SLC25A40: variants seen among roughly 807,000 people sequenced by gnomAD.
SLC25A40 encodes the protein mitochondrial glutathione transporter SLC25A40.
A neutral mutation model predicts 46.5 loss-of-function variants in SLC25A40; 41 were observed. That is an observed-to-expected ratio of 0.88 (90% CI 0.69 to 1.14). The LOEUF (loss-of-function observed/expected upper bound fraction) is 1.14, where lower values mean the gene tolerates loss of function less well. Ranked by LOEUF, SLC25A40 falls within the 50% of genes most tolerant of loss-of-function variation. The probability of loss-of-function intolerance (pLI) is 0.00; values close to 1 mark genes in which losing one functional copy is unlikely to be tolerated. For missense variants in SLC25A40, 386 were observed against 393.6 expected (o/e 0.98, Z 0.16); for synonymous variants, 126 against 127.5 (o/e 0.99, Z 0.08).
chr7:87,868,967 A>C (rs1222341622), intron 1 of SLC25A40, among the ~76,000 whole-genome samples: 1 of 152,216 alleles, frequency 6.6e-6, no homozygotes, highest in Non-Finnish European at 1.5e-5. Context: ...CAGTATTAGC[A>C]TACAAAAATA....
intron 1 of SLC25A40, among the ~76,000 whole-genome samples, chr7:87,861,524 T>G (rs1298233955): frequency 6.6e-6 from 1 of 152,220 alleles, no homozygotes; most frequent in Non-Finnish European, 1.5e-5. Context: ...GGTAAACCTA[T>G]GTAAACATAT....
At chr7:87,836,479 T>C in intron 11 of SLC25A40, 118 bp from the exon 12 acceptor site, 1 of 665,732 alleles carries the variant, frequency 1.5e-6, no homozygotes, top group Non-Finnish European at 2.3e-6. Context: ...TATGTTCAAA[T>C]CCATAAATTG....
intron 1 of SLC25A40, among the ~76,000 whole-genome samples, chr7:87,869,536 C>CA (rs57979424): frequency 0.1 from 13,821 of 135,842 alleles, 719 homozygotes; most frequent in African/African-American, 0.16. Flanking sequence ...GACCCTGTTC[C>CA]AAAAAAAAAA....
At chr7:87,858,900 T>G (rs559064997) in intron 2 of SLC25A40, 149 bp from the exon 3 acceptor site, 1 of 603,964 alleles carries the variant, frequency 1.7e-6, no homozygotes, top group East Asian at 2.8e-5. Context: ...TGAAAGCAGG[T>G]GACCACTAAG....
At chr7:87,862,716 G>C (rs563336576) in intron 1 of SLC25A40, among the ~76,000 whole-genome samples, 4 of 152,050 alleles carry the variant, frequency 2.6e-5, no homozygotes, top group African/African-American at 9.7e-5. Flanking sequence ...CCCAAGACTG[G>C]GCAATTAACA....
intron 5 of SLC25A40, among the ~76,000 whole-genome samples, chr7:87,851,927 A>G (rs964992618): frequency 8.5e-5 from 13 of 152,210 alleles, no homozygotes; most frequent in African/African-American, 3.1e-4. Context: ...AAAACACAAC[A>G]AAGAGAAAAT....
rs1012320616 is a variant in SLC25A40, at chr7:87,839,297, AAATAT to A, written c.823+2331_823+2335del. Among the ~76,000 whole-genome samples, 84 of 151,630 alleles carry A rather than the reference AAATAT, an allele frequency of 5.5e-4. 1 individual carries two copies. The highest frequency in any genetic ancestry group is 1.7e-3 in the African/African-American group (70 of 41,482). On this transcript the variant is annotated intron_variant, in intron 10 of 11. Coordinates refer to ENST00000341119, the MANE Select transcript of SLC25A40 (RefSeq NM_018843.4). Reference sequence around the variant, plus strand: ...TACTTTTATTTCTATTTTAAAATAGAAATATAATATAGAAATATTGAAATACGGAA... The same window carrying A: ...TACTTTTATTTCTATTTTAAAATAGAAATATAGAAATATTGAAATACGGAA...
At position 87,836,292 on chromosome 7, in the gene SLC25A40, T is replaced by C. The variant is rs1440994292; in HGVS notation, c.974A>G (p.Lys325Arg). The C allele has an allele frequency of 1.9e-6, 3 of 1,586,414 alleles. No individual in the cohort carries two copies. Among genetic ancestry groups the C allele is most frequent in the Non-Finnish European group, 2.6e-6 (3 of 1,169,754 alleles). The change falls in exon 12 of 12, where the codon AAG (lysine) becomes AGG (arginine). Residue 325 changes from lysine (K) to arginine (R), a missense_variant. Transcript: ENST00000341119. ...AACATTTTGTTTCTGGAAAAAAGCC[T>C]TTCCAAATTCATATGTACTGATCAT... ...AIMISTYEFG[K>R]AFFQKQNVRR...
At chr7:87,866,791 C>G (rs2131020874) in intron 1 of SLC25A40, among the ~76,000 whole-genome samples, 1 of 152,322 alleles carries the variant, frequency 6.6e-6, no homozygotes, top group South Asian at 2.1e-4. Flanking sequence ...AGACACACAC[C>G]TTTACTCAAG....
intron 1 of SLC25A40, among the ~76,000 whole-genome samples, chr7:87,873,704 A>T (rs1838929687): frequency 6.6e-6 from 1 of 152,150 alleles, no homozygotes; most frequent in Non-Finnish European, 1.5e-5. Context: ...TGCTGGGATT[A>T]TAGGCTTGAG....
chr7:87,858,827 G>T (rs1221938427), intron 2 of SLC25A40, 76 bp from the exon 3 acceptor site: 3 of 777,976 alleles, frequency 3.9e-6, no homozygotes, highest in South Asian at 1.5e-5. Context: ...AGCTAAGCTG[G>T]GTGAGCAGCA....
intron 6 of SLC25A40, 118 bp downstream of exon 6, chr7:87,849,763 T>C (rs1171567125): frequency 4.3e-6 from 3 of 697,764 alleles, no homozygotes; most frequent in South Asian, 2.7e-5. Context: ...TAAAAAACAA[T>C]ACCTCAGAAA....
At chr7:87,875,707 A>C (rs1838990316) in intron 1 of SLC25A40, among the ~76,000 whole-genome samples, 1 of 152,202 alleles carries the variant, frequency 6.6e-6, no homozygotes, top group African/African-American at 2.4e-5. Flanking sequence ...CAACTAAAAG[A>C]AAACAGGTCT....
intron 9 of SLC25A40, among the ~76,000 whole-genome samples, 152 bp downstream of exon 9, chr7:87,843,601 AT>A (rs1838367796): frequency 6.6e-6 from 1 of 152,112 alleles, no homozygotes; most frequent in African/African-American, 2.4e-5. Context: ...TTTGCTAATA[AT>A]TTGTTTCCTT....
At chr7:87,851,501 A>G (rs1017761577) in intron 5 of SLC25A40, among the ~76,000 whole-genome samples, 1 of 152,178 alleles carries the variant, frequency 6.6e-6, no homozygotes, top group Non-Finnish European at 1.5e-5. Context: ...CAGAAGGTCA[A>G]TAAGGAACCA....
intron 4 of SLC25A40, among the ~76,000 whole-genome samples, chr7:87,854,605 G>A (rs961152844): frequency 6.7e-6 from 1 of 149,836 alleles, no homozygotes; most frequent in Non-Finnish European, 1.5e-5. Flanking sequence ...GAGGTCAGGA[G>A]ATCGAGACCA....
In SLC25A40 at chr7:87,833,794, G is replaced by T. The variant is rs548837815; in HGVS notation, c.*2455C>A. Reference sequence around the variant, plus strand: ...CAGGTATTAAGCCTAGTACCCATTAGTTATTTTTCCTGTTCCTCTCCCTCC... The same window carrying T: ...CAGGTATTAAGCCTAGTACCCATTATTTATTTTTCCTGTTCCTCTCCCTCC... On this transcript the variant is annotated 3_prime_UTR_variant, in exon 12 of 12. Coordinates refer to ENST00000341119, the MANE Select transcript of SLC25A40 (RefSeq NM_018843.4). 2 of 151,852 alleles carry T rather than the reference G, an allele frequency of 1.3e-5. No homozygotes were observed. Among genetic ancestry groups the T allele is most frequent in the South Asian group, 4.2e-4 (2 of 4,816 alleles). The allele number at this position is 151,852 out of a possible 1,614,324, so 9.4% of individuals were successfully genotyped here. A position where few individuals can be genotyped will look rare whatever the true frequency, so the allele number is the denominator to read the frequency against.
At chr7:87,857,842 C>T (rs1838637638) in intron 3 of SLC25A40, among the ~76,000 whole-genome samples, 2 of 152,244 alleles carry the variant, frequency 1.3e-5, no homozygotes, top group African/African-American at 4.8e-5. Context: ...TAAGGTCTGA[C>T]TGCCCGCAGG....
intron 1 of SLC25A40, among the ~76,000 whole-genome samples, chr7:87,875,537 G>T (rs1488349392): frequency 1.3e-5 from 2 of 150,024 alleles, no homozygotes; most frequent in African/African-American, 4.9e-5. Flanking sequence ...TCTTCCTCCT[G>T]AAGAAACAGA....
Sources: allele counts gnomAD v4.1 joint callset (sites outside exome capture counted in the v4.1 genomes callset), GRCh38; gene constraint gnomAD v4.1.1; transcripts MANE v1.5; gene names NCBI Gene and HGNC (gene_info 2026-07-23, HGNC 2026-07-21).